Variants in PI4KA observed in about 807,000 individuals in gnomAD.
PI4KA encodes phosphatidylinositol 4-kinase alpha.
In PI4KA, 122 loss-of-function variants were observed where a neutral mutation model predicts 271.4. That is an observed-to-expected ratio of 0.45 (90% confidence interval 0.39 to 0.52). The LOEUF is 0.52. Ranked by LOEUF, PI4KA falls within the 20% of genes least tolerant of loss-of-function variation. PI4KA has a pLI of 0.00. For synonymous variants in PI4KA, 1,041 were observed against 1,078.8 expected (o/e 0.96, Z 0.69); for missense variants, 1,969 against 2,769.1 (o/e 0.71, Z 6.48).
At chr22:20,780,013 T>C (rs761641227) in intron 19 of PI4KA, 1 of 1,614,216 alleles carries the variant, frequency 6.2e-7, no homozygotes, top group South Asian at 1.1e-5. Flanking sequence ...CCAATCCTGC[T>C]TGACTTCAAA....
At chr22:20,801,743 G>C (rs1363523133) in intron 14 of PI4KA, among the ~76,000 whole-genome samples, 1 of 151,380 alleles carries the variant, frequency 6.6e-6, no homozygotes, top group Non-Finnish European at 1.5e-5. Context: ...AATTAGCTGG[G>C]CGTGGTGGTG....
chr22:20,786,791 C>T, intron 19 of PI4KA: 1 of 1,347,754 alleles, frequency 7.4e-7, no homozygotes, highest in Non-Finnish European at 1.1e-6. Flanking sequence ...TGGATCCTTT[C>T]CCTGAATGAT....
chr22:20,729,979 T>C lies in PI4KA; in HGVS notation c.4321A>G (p.Thr1441Ala), dbSNP rs1354333400. 2 of 1,614,160 alleles carry C rather than the reference T, an allele frequency of 1.2e-6. No homozygotes were observed. The highest frequency in any genetic ancestry group is 1.7e-5 in the Admixed American group (1 of 60,014). ...GTGGCTTGTTGCCGAGAGCCGACAG[T>C]TATGTCCAGGTTGCTCCGGGTGTCC... ...NQDTRSNLDI[T>A]VGSRQQATQG... Residue 1441 changes from threonine to alanine, a missense_variant, in exon 37 of 55, where the codon ACT becomes GCT. Physicochemically the swap from Thr to Ala is moderately conservative, Grantham distance 58. Around this residue, in one of 13 missense-constraint regions of PI4KA, gnomAD observed 23 missense variants for 23.2 expected, o/e 0.99. Coordinates refer to ENST00000255882, the MANE Select transcript of PI4KA (RefSeq NM_058004.4).
rs770942452 is a variant in PI4KA at position 20,799,205 on chromosome 22, G to A, written c.1892C>T (p.Pro631Leu). 1.1e-5 allele frequency: 17 copies of A among 1,591,130 alleles called. No individual in the cohort carries two copies. The highest frequency in any genetic ancestry group is 1.3e-5 in the African/African-American group (1 of 74,202). ...GHIAVALRDT[P>L]KVMEPILQIL... ...CTGCAGAATGGGCTCCATGACCTTC[G>A]GGGTGTCCCTCAAGGCCACCGCAAT... Residue 631 changes from proline to leucine, a missense_variant, in exon 16 of 55, where the codon CCG becomes CTG. Physicochemically the swap from Pro to Leu is moderately conservative, Grantham distance 98. Coordinates refer to ENST00000255882, the MANE Select transcript of PI4KA (RefSeq NM_058004.4).
chr22:20,776,264 C>T (rs1331841688), intron 19 of PI4KA, among the ~76,000 whole-genome samples: 1 of 152,098 alleles, frequency 6.6e-6, no homozygotes, highest in African/African-American at 2.4e-5. Flanking sequence ...GAACAGGTGG[C>T]AGTGAACCAA....
intron 3 of PI4KA, among the ~76,000 whole-genome samples, chr22:20,831,636 A>G (rs1924191077): frequency 6.6e-6 from 1 of 152,058 alleles, no homozygotes; most frequent in Non-Finnish European, 1.5e-5. Context: ...AAAAGGCTGA[A>G]TGTAGGCCTC....
chr22:20,729,570 G>A, intron 38 of PI4KA, 62 bp downstream of exon 38: 1 of 1,550,896 alleles, frequency 6.4e-7, no homozygotes, highest in South Asian at 1.2e-5. Flanking sequence ...CACTGCCCCG[G>A]CCACCAGGTG....
chr22:20,726,418 A>G, intron 42 of PI4KA, 70 bp downstream of exon 42: 2 of 1,367,448 alleles, frequency 1.5e-6, no homozygotes, highest in Non-Finnish European at 9.6e-7. Context: ...GGCTGGGGAC[A>G]GACCGGGCAC....
intron 1 of PI4KA, 115 bp downstream of exon 1, chr22:20,858,455 G>T (rs897989994): frequency 4.2e-6 from 3 of 713,450 alleles, no homozygotes; most frequent in Non-Finnish European, 5.8e-6. Flanking sequence ...GCCCCCTCCC[G>T]CACAGGCTGC....
At chr22:20,713,787 G>A (rs1248091577) in intron 47 of PI4KA, among the ~76,000 whole-genome samples, 1 of 152,238 alleles carries the variant, frequency 6.6e-6, no homozygotes, top group African/African-American at 2.4e-5. Context: ...CCTGCAAGGG[G>A]TGGCAGCCCC....
At chr22:20,777,560 C>T (rs781387467) in intron 19 of PI4KA, among the ~76,000 whole-genome samples, 1 of 152,154 alleles carries the variant, frequency 6.6e-6, no homozygotes, top group Non-Finnish European at 1.5e-5. Context: ...TGCTATGTTG[C>T]CCACACTGGT....
rs2147610617 is a variant in PI4KA at position 20,803,293 on chromosome 22, G to A, written c.1489C>T (p.Pro497Ser). ...GGTGTCACAGAGTGCACCACCACCG[G>A]GAACCTCTCGCACAGGCGGCCCAAA... ...QGLGRLCERF[P>S]VVVHSVTPSL... The change falls in exon 13 of 55, where the codon CCG becomes TCG. Residue 497 changes from proline to serine, a missense_variant. By Grantham distance (74) the Pro-to-Ser change is moderately conservative. Transcript: ENST00000255882. 2 of 1,614,082 alleles carry A rather than the reference G, an allele frequency of 1.2e-6. No homozygotes were observed. Among genetic ancestry groups the A allele is most frequent in the South Asian group, 2.2e-5 (2 of 91,082 alleles).
intron 18 of PI4KA, 125 bp downstream of exon 18, chr22:20,796,021 C>A: frequency 1.1e-6 from 1 of 882,798 alleles, no homozygotes; most frequent in Non-Finnish European, 1.7e-6. Context: ...TACTTGCATT[C>A]CAGGCACATT....
intron 23 of PI4KA, 139 bp downstream of exon 23, chr22:20,761,165 T>G (rs1474173846): frequency 1.6e-6 from 1 of 639,278 alleles, no homozygotes; most frequent in Non-Finnish European, 2.8e-6. Context: ...GAAGGCTATA[T>G]GTTTTATACT....
chr22:20,804,762 G>A (rs575367541), intron 11 of PI4KA, among the ~76,000 whole-genome samples: 1 of 152,240 alleles, frequency 6.6e-6, no homozygotes, highest in Admixed American at 6.5e-5. Flanking sequence ...CATCCTCCCA[G>A]GTCCAGTGCC....
intron 33 of PI4KA, 83 bp downstream of exon 33, chr22:20,734,312 G>A: frequency 1.5e-6 from 2 of 1,368,716 alleles, no homozygotes; most frequent in Non-Finnish European, 2.0e-6. Flanking sequence ...GAAGGCCTTG[G>A]GCTCGGCTAC....
chr22:20,739,067 T>C (rs532293186), intron 32 of PI4KA, among the ~76,000 whole-genome samples: 130 of 136,632 alleles, frequency 9.5e-4, no homozygotes, highest in Non-Finnish European at 1.1e-3. Context: ...AGCAACTGGC[T>C]GGGCGCAGTG....
At chr22:20,801,757 G>A (rs926231696) in intron 14 of PI4KA, among the ~76,000 whole-genome samples, 4 of 151,562 alleles carry the variant, frequency 2.6e-5, no homozygotes, top group Admixed American at 6.6e-5. Flanking sequence ...GGTGGTGGGC[G>A]CCTGTAATCC....
At chr22:20,717,833 G>C (rs542714248) in intron 44 of PI4KA, 55 bp from the exon 45 acceptor site, 6 of 1,348,784 alleles carry the variant, frequency 4.4e-6, no homozygotes, top group Admixed American at 2.0e-5. Context: ...TGGCTGCTGG[G>C]GGACAGCCCA....
Sources: gnomAD v4.1 joint callset for allele counts (sites outside exome capture counted in the v4.1 genomes callset) on GRCh38, gnomAD v4.1.1 for gene constraint, gnomAD v4.1.1 regional missense constraint, MANE v1.5 for transcripts, NCBI Gene and HGNC (gene_info 2026-07-23, HGNC 2026-07-21) for gene names.